Variants in ARHGAP28 observed in about 807,000 individuals in gnomAD.
ARHGAP28 encodes the protein Rho GTPase activating protein 28.
A neutral mutation model predicts 90.7 loss-of-function variants in ARHGAP28; 56 were observed. That is an observed-to-expected ratio of 0.62 (90% CI 0.50 to 0.77). The LOEUF is 0.77. ARHGAP28 is among the 30% of genes least tolerant of loss of function. ARHGAP28 has a pLI of 0.00. For synonymous variants in ARHGAP28, 308 were observed against 323.3 expected, an observed-to-expected ratio of 0.95 and a Z score of 0.51; for missense variants, 869 against 900.9, an observed-to-expected ratio of 0.96 and a Z score of 0.45.
intron 1 of ARHGAP28, among the ~76,000 whole-genome samples, chr18:6,785,102 C>T (rs924012068): frequency 6.6e-6 from 1 of 152,192 alleles, no homozygotes; most frequent in Admixed American, 6.5e-5. Context: ...TGTTAAAACA[C>T]CTAAATCCCT....
chr18:6,858,549 C>A, intron 4 of ARHGAP28, among the ~76,000 whole-genome samples: 1 of 148,242 alleles, frequency 6.7e-6, no homozygotes, highest in South Asian at 2.1e-4. Context: ...AAATTTCTTT[C>A]TTTTTTTTTT....
chr18:6,824,662 A>T, intron 1 of ARHGAP28, 100 bp from the exon 2 acceptor site: 1 of 1,097,032 alleles, frequency 9.1e-7, no homozygotes, highest in Non-Finnish European at 1.3e-6. Flanking sequence ...TCTCCATTTG[A>T]TTTAAACTTA....
chr18:6,876,162 A>C lies in ARHGAP28; in HGVS notation c.1244A>C (p.Glu415Ala). 1 of 1,614,064 alleles carries C rather than the reference A, an allele frequency of 6.2e-7. No homozygotes were observed. The highest frequency in any genetic ancestry group is 8.5e-7 in the Non-Finnish European group (1 of 1,179,958). The change falls in exon 10 of 18, where the codon GAA (glutamate) becomes GCA (alanine). Residue 415 changes from glutamate to alanine, a missense_variant. Glu to Ala is a moderately radical substitution (Grantham distance 107, BLOSUM62 -1). Transcript: ENST00000383472. ...FFEKVEESGLESEGIFRLSGC... is the reference protein window; with the variant it reads ...FFEKVEESGLASEGIFRLSGC... ...GAGAAAGTTGAGGAATCAGGTCTGG[A>C]ATCTGAAGGAATTTTTCGACTTTCA...
chr18:6,752,583 A>C (rs1430304856), intron 1 of ARHGAP28, among the ~76,000 whole-genome samples: 1 of 152,216 alleles, frequency 6.6e-6, no homozygotes, highest in Non-Finnish European at 1.5e-5. Flanking sequence ...CAAAGATTCC[A>C]GTCTCAGCAA....
chr18:6,823,758 A>AT (rs976752995), intron 1 of ARHGAP28, among the ~76,000 whole-genome samples: 1 of 151,478 alleles, frequency 6.6e-6, no homozygotes, highest in Non-Finnish European at 1.5e-5. Flanking sequence ...TCCTTCTTTT[A>AT]TTTTTTTTGA....
At chr18:6,831,637 G>C (rs56186804) in intron 2 of ARHGAP28, among the ~76,000 whole-genome samples, 33 of 151,884 alleles carry the variant, frequency 2.2e-4, no homozygotes, top group Non-Finnish European at 4.6e-4. Context: ...TTGTCTACTA[G>C]ATTTCTTAGG....
intron 17 of ARHGAP28, among the ~76,000 whole-genome samples, chr18:6,911,430 T>TTTTTA (rs2057398612): frequency 3.9e-5 from 3 of 76,434 alleles, no homozygotes; most frequent in Non-Finnish European, 8.7e-5. Context: ...TCTTGCCATA[T>TTTTTA]TTTTCTTTTC....
chr18:6,881,900 A>G (rs2057180879), intron 10 of ARHGAP28, among the ~76,000 whole-genome samples: 1 of 152,228 alleles, frequency 6.6e-6, no homozygotes, highest in South Asian at 2.1e-4. Context: ...TTTGTGTAGA[A>G]TTAGAAAATT....
chr18:6,906,199 A>C (rs1292160655), intron 16 of ARHGAP28, among the ~76,000 whole-genome samples: 1 of 152,206 alleles, frequency 6.6e-6, no homozygotes, highest in Non-Finnish European at 1.5e-5. Flanking sequence ...ATAGATACTT[A>C]GATCAATGGA....
chr18:6,826,221 TA>T (rs2056661977), intron 2 of ARHGAP28, among the ~76,000 whole-genome samples: 1 of 152,008 alleles, frequency 6.6e-6, no homozygotes, highest in Non-Finnish European at 1.5e-5. Flanking sequence ...ATTTCTCTGA[TA>T]ATTAGTGATG....
At chr18:6,786,610 A>G (rs1387624519) in intron 1 of ARHGAP28, among the ~76,000 whole-genome samples, 2 of 152,142 alleles carry the variant, frequency 1.3e-5, no homozygotes, top group Admixed American at 1.3e-4. Flanking sequence ...TATTATTCCA[A>G]TGTCCTTGCT....
At chr18:6,798,425 C>T (rs1383455434) in intron 1 of ARHGAP28, among the ~76,000 whole-genome samples, 2 of 152,058 alleles carry the variant, frequency 1.3e-5, no homozygotes, top group African/African-American at 4.8e-5. Flanking sequence ...AACTCCTGAC[C>T]TCAGGTGATC....
intron 1 of ARHGAP28, among the ~76,000 whole-genome samples, chr18:6,752,582 C>T (rs1261797015): frequency 2.6e-5 from 4 of 152,140 alleles, no homozygotes; most frequent in Non-Finnish European, 5.9e-5. Flanking sequence ...ACAAAGATTC[C>T]AGTCTCAGCA....
At position 6,729,868 on chromosome 18, in the gene ARHGAP28, C is replaced by G; in HGVS notation, c.47C>G (p.Ser16Trp). The stretch of plus-strand genomic sequence containing the variant: ...GGCGTGGTGCTGACCGCCTACCACT[C>G]GTACGCGCGCGCCCAGCCCCCCAAC... ...SGGVVLTAYH[S>W]YARAQPPNAE... Residue 16 changes from serine to tryptophan, a missense_variant, in exon 1 of 18, where the codon TCG (serine) becomes TGG (tryptophan). Transcript: ENST00000383472. The G allele has an allele frequency of 7.0e-7, 1 of 1,435,684 alleles. No homozygotes were observed. 88.9% of individuals were successfully genotyped at this position (1,435,684 alleles called of 1,614,324 possible). A position where few individuals can be genotyped will look rare whatever the true frequency, so the allele number is the denominator to read the frequency against.
intron 2 of ARHGAP28, among the ~76,000 whole-genome samples, chr18:6,832,272 CAT>C (rs1459257730): frequency 1.3e-5 from 2 of 151,762 alleles, no homozygotes; most frequent in East Asian, 1.9e-4. Context: ...TGTTATGTAA[CAT>C]AGTTTATATG....
At position 6,730,219 on chromosome 18, in the gene ARHGAP28, G is replaced by GTATGTATGTA. The variant is rs374482561; in HGVS notation, c.122+277_122+278insATGTATGTAT. ...TTGATACGATTTGAGGATAAGTCAT[G>GTATGTATGTA]TGTATATATATATATATACCTCATT... On this transcript the variant is annotated intron_variant, in intron 1 of 17. Coordinates refer to ENST00000383472, the MANE Select transcript of ARHGAP28 (RefSeq NM_001366230.1). 5.7e-5 allele frequency: 9 copies of GTATGTATGTA among 158,806 alleles called. No individual in the cohort carries two copies. The East Asian group carries it at 8.6e-4, about 15-fold the overall frequency. The allele number at this position is 158,806 out of a possible 1,614,324, so 9.8% of individuals were successfully genotyped here. A position where few individuals can be genotyped will look rare whatever the true frequency, so the allele number is the denominator to read the frequency against.
At chr18:6,810,025 G>C (rs1030149842) in intron 1 of ARHGAP28, among the ~76,000 whole-genome samples, 1 of 152,076 alleles carries the variant, frequency 6.6e-6, no homozygotes, top group Non-Finnish European at 1.5e-5. Context: ...CTTCACCTCT[G>C]AATTAATGGA....
chr18:6,846,988 G>A (rs2056870775), intron 3 of ARHGAP28, among the ~76,000 whole-genome samples: 1 of 152,186 alleles, frequency 6.6e-6, no homozygotes, highest in Admixed American at 6.5e-5. Flanking sequence ...AACAGGGTGA[G>A]CAAGTGGGGT....
chr18:6,872,805 G>C (rs958121969), intron 7 of ARHGAP28, among the ~76,000 whole-genome samples: 1 of 152,042 alleles, frequency 6.6e-6, no homozygotes, highest in Non-Finnish European at 1.5e-5. Flanking sequence ...TAGTAGGATT[G>C]TTTGCACTTT....
Sources: gnomAD v4.1 joint callset for allele counts (sites outside exome capture counted in the v4.1 genomes callset) on GRCh38, gnomAD v4.1.1 for gene constraint, MANE v1.5 for transcripts, NCBI Gene and HGNC (gene_info 2026-07-23, HGNC 2026-07-21) for gene names.